RASAL3: variants seen among roughly 807,000 people sequenced by gnomAD.
The protein encoded by RASAL3 is RAS protein activator like 3.
In RASAL3, 74 loss-of-function variants were observed where a neutral mutation model predicts 105.5. That is an observed-to-expected ratio of 0.70 (90% CI 0.58 to 0.85). The LOEUF (loss-of-function observed/expected upper bound fraction) is 0.85, where lower values mean the gene tolerates loss of function less well. Ranked by LOEUF, RASAL3 falls within the 40% of genes least tolerant of loss-of-function variation. The probability of loss-of-function intolerance (pLI) is 0.00; values close to 1 mark genes in which losing one functional copy is unlikely to be tolerated. For missense variants in RASAL3, 1,352 were observed against 1,392.0 expected (o/e 0.97, Z 0.46); for synonymous variants, 579 against 591.6 (o/e 0.98, Z 0.31).
chr19:15,452,877 C>T lies in RASAL3; in HGVS notation c.2671-62G>A, dbSNP rs750763680. 1.5e-4 allele frequency: 227 copies of T among 1,479,320 alleles called. 2 individuals are homozygous for T. Among genetic ancestry groups the T allele is most frequent in the Non-Finnish European group, 1.7e-4 (191 of 1,109,832 alleles). 91.6% of individuals were successfully genotyped at this position (1,479,320 alleles called of 1,614,324 possible). A position where few individuals can be genotyped will look rare whatever the true frequency, so the allele number is the denominator to read the frequency against. On this transcript the variant is annotated intron_variant, in intron 15 of 17. Transcript: ENST00000343625. ...CCCGCCCCTGTGTCTCCCCGGAGACCCTGACCTCCCAGGCCCAAGCGCTCA... is the reference window on the plus strand; with the variant it reads ...CCCGCCCCTGTGTCTCCCCGGAGACTCTGACCTCCCAGGCCCAAGCGCTCA...
Position 15,456,430 on chromosome 19 carries a change from G to A in RASAL3, c.1576+72C>T. 1 of 1,583,222 alleles carries A rather than the reference G, an allele frequency of 6.3e-7. No homozygotes were observed. Among genetic ancestry groups the A allele is most frequent in the Non-Finnish European group, 8.6e-7 (1 of 1,161,402 alleles). ...CACTACCAGAATCCAGGTTGCTCAA[G>A]GACTCTTAGAACTTCACCCAGGTCC... On this transcript the variant is annotated intron_variant, in intron 10 of 17. Transcript: ENST00000343625. This position sits in a 1 kb window ranked among gnomAD's most constrained non-coding sequence, Gnocchi z 4.4.
Position 15,456,970 on chromosome 19 carries a change from C to A in RASAL3, c.1431+322G>T. The A allele has an allele frequency of 2.1e-6, 1 of 473,366 alleles. No individual in the cohort carries two copies. Among genetic ancestry groups the A allele is most frequent in the Admixed American group, 3.5e-5 (1 of 28,298 alleles). 29.3% of individuals were successfully genotyped at this position (473,366 alleles called of 1,614,324 possible). A position where few individuals can be genotyped will look rare whatever the true frequency, so the allele number is the denominator to read the frequency against. ...GATAATTAGGCCCCGCCCCTCACAG[C>A]TGAAGCTCAGGCCCAGTCCTTCAAG... On this transcript the variant is annotated intron_variant, in intron 9 of 17. Coordinates refer to ENST00000343625, the MANE Select transcript of RASAL3 (RefSeq NM_022904.3). This position sits in a 1 kb window ranked among gnomAD's most constrained non-coding sequence, Gnocchi z 4.4.
rs1364562647 is a variant in RASAL3, at chr19:15,455,648, C to T, written c.1721+456G>A. Among the ~76,000 whole-genome samples the T allele has an allele frequency of 6.6e-5, 10 of 152,122 alleles. No individual in the cohort carries two copies. The East Asian group carries it at 1.2e-3, about 18-fold the overall frequency. On this transcript the variant is annotated intron_variant, in intron 11 of 17. Coordinates refer to ENST00000343625, the MANE Select transcript of RASAL3 (RefSeq NM_022904.3). The stretch of plus-strand genomic sequence containing the variant: ...CCAGTTAAACATGAATTTCAGATAA[C>T]GGAGTGATTTTTATTTATATTTTTA...
In RASAL3 at chr19:15,457,888, G is replaced by A; in HGVS notation, c.889-54C>T. 1 of 1,535,798 alleles carries A rather than the reference G, an allele frequency of 6.5e-7. No individual in the cohort carries two copies. Among genetic ancestry groups the A allele is most frequent in the Non-Finnish European group, 8.8e-7 (1 of 1,138,480 alleles). ...CGTTTTGGTTTGTTGGCACCCCAAA[G>A]AAGGCACCGCAAGTGAAGCGTGGAG... On this transcript the variant is annotated intron_variant, in intron 8 of 17. Coordinates refer to ENST00000343625, the MANE Select transcript of RASAL3 (RefSeq NM_022904.3). The surrounding 1 kb of genome is among the most constrained non-coding windows in gnomAD (Gnocchi z 8.6).
intron 8 of RASAL3, chr19:15,458,127 G>T (rs1018298807): frequency 3.1e-6 from 2 of 638,588 alleles, no homozygotes; most frequent in Non-Finnish European, 5.5e-6. Context: ...ATGGGGCCGG[G>T]AGTGGACAGA....
chr19:15,457,406 G>C lies in RASAL3; in HGVS notation c.1317C>G (p.Leu439=). The C allele has an allele frequency of 6.9e-7, 1 of 1,449,950 alleles. No individual in the cohort carries two copies. Among genetic ancestry groups the C allele is most frequent in the Non-Finnish European group, 9.0e-7 (1 of 1,105,666 alleles). 89.8% of individuals were successfully genotyped at this position (1,449,950 alleles called of 1,614,324 possible). ...CGCAGAGGCGCGCATAGTGGAAGGT[G>C]AGGAACTCCGCCAGCTCCTTGTAGC... The part of the protein sequence containing the change: ...SERYKELAEF[L]TFHYARLCGA... The change falls in exon 9 of 18, where the codon CTC becomes CTG. Residue 439 remains leucine, a synonymous_variant. Transcript: ENST00000343625. The surrounding 1 kb of genome is among the most constrained non-coding windows in gnomAD (Gnocchi z 8.6).
intron 15 of RASAL3, 138 bp from the exon 16 acceptor site, chr19:15,452,953 TGG>T: frequency 2.1e-6 from 3 of 1,463,260 alleles, no homozygotes; most frequent in Admixed American, 2.1e-5. Context: ...GCGGTACAGC[TGG>T]GGAGACTGAA....
At position 15,454,166 on chromosome 19, in the gene RASAL3, C is replaced by T. The variant is rs370506475; in HGVS notation, c.2262G>A (p.Pro754=). 3.1e-5 allele frequency: 49 copies of T among 1,563,804 alleles called. No individual in the cohort carries two copies. The highest frequency in any genetic ancestry group is 7.7e-5 in the Admixed American group (4 of 52,276). ...VSVPMRLPLP[P]AQVHSSLSAG... ...GAGGTTACCTGGAGTGGACCTGGGCCGGGGGCAGTGGGAGACGCATTGGCA... is the reference window on the plus strand; with the variant it reads ...GAGGTTACCTGGAGTGGACCTGGGCTGGGGGCAGTGGGAGACGCATTGGCA... The change falls in exon 14 of 18, where the codon CCG becomes CCA. Residue 754 remains proline, a synonymous_variant. Coordinates refer to ENST00000343625, the MANE Select transcript of RASAL3 (RefSeq NM_022904.3).
chr19:15,456,793 C>T lies in RASAL3; in HGVS notation c.1432-147G>A. The T allele has an allele frequency of 1.0e-6, 1 of 1,000,278 alleles. No homozygotes were observed. Among genetic ancestry groups the T allele is most frequent in the Non-Finnish European group, 1.4e-6 (1 of 693,678 alleles). The allele number at this position is 1,000,278 out of a possible 1,614,324, so 62.0% of individuals were successfully genotyped here. A position where few individuals can be genotyped will look rare whatever the true frequency, so the allele number is the denominator to read the frequency against. On this transcript the variant is annotated intron_variant, in intron 9 of 17. Coordinates refer to ENST00000343625, the MANE Select transcript of RASAL3 (RefSeq NM_022904.3). The surrounding 1 kb of genome is among the most constrained non-coding windows in gnomAD (Gnocchi z 4.4). Reference sequence around the variant, plus strand: ...CAGTCCTTACTGCTGGGGCTCATAACCGAGGCCGGAACCTCTAACCCTCAC... The same window carrying T: ...CAGTCCTTACTGCTGGGGCTCATAATCGAGGCCGGAACCTCTAACCCTCAC...
chr19:15,457,969 AG>A lies in RASAL3; in HGVS notation c.889-136del, dbSNP rs1970381427. 1 of 1,067,882 alleles carries A rather than the reference AG, an allele frequency of 9.4e-7. No homozygotes were observed. Among genetic ancestry groups the A allele is most frequent in the African/African-American group, 1.6e-5 (1 of 62,212 alleles). The allele number at this position is 1,067,882 out of a possible 1,614,324, so 66.2% of individuals were successfully genotyped here. On this transcript the variant is annotated intron_variant, in intron 8 of 17. Coordinates refer to ENST00000343625, the MANE Select transcript of RASAL3 (RefSeq NM_022904.3). The surrounding 1 kb of genome is among the most constrained non-coding windows in gnomAD (Gnocchi z 8.6). Reference sequence around the variant, plus strand: ...AGATTGCTGGGCCTTTGGGGAAAGAAGTGGAGCCACGGGAGTCCGGAGGCGG... The same window carrying A: ...AGATTGCTGGGCCTTTGGGGAAAGAATGGAGCCACGGGAGTCCGGAGGCGG...
At chr19:15,452,587 G>GGGA in intron 16 of RASAL3, 71 bp downstream of exon 16, 3 of 1,123,180 alleles carry the variant, frequency 2.7e-6, no homozygotes, top group Non-Finnish European at 3.5e-6. Context: ...GGGGGGGGGG[G>GGGA]GAGGGCCTGG....
At chr19:15,455,971 A>G in intron 11 of RASAL3, 133 bp downstream of exon 11, 3 of 1,068,348 alleles carry the variant, frequency 2.8e-6, no homozygotes, top group Non-Finnish European at 4.0e-6. Flanking sequence ...ATTTTTTAGT[A>G]TAAGCATGGT....
In RASAL3 at chr19:15,457,589, C is replaced by T; in HGVS notation, c.1134G>A (p.Ala378=). The change falls in exon 9 of 18, where the codon GCG becomes GCA. Residue 378 remains alanine (A), a synonymous_variant. Transcript: ENST00000343625. The surrounding 1 kb of genome is among the most constrained non-coding windows in gnomAD (Gnocchi z 8.6). ...GCGCCAGGGCCACGCGGCCCAGCAC[C>T]GCGCTTCCCGGGCCCAAGCCGCGCA... The part of the protein sequence containing the change: ...LRLRGLGPGS[A]VLGRVALALE... The T allele has an allele frequency of 7.7e-7, 1 of 1,299,228 alleles. No homozygotes were observed. Among genetic ancestry groups the T allele is most frequent in the Non-Finnish European group, 9.8e-7 (1 of 1,019,752 alleles). 80.5% of individuals were successfully genotyped at this position (1,299,228 alleles called of 1,614,324 possible).
intron 6 of RASAL3, 101 bp from the exon 7 acceptor site, chr19:15,458,756 G>A (rs914449834): frequency 4.9e-5 from 71 of 1,450,360 alleles, no homozygotes; most frequent in Non-Finnish European, 6.3e-5. Flanking sequence ...AACCCAATTC[G>A]GATCCCGTTT....
rs1429253157 is a variant in RASAL3 at position 15,452,698 on chromosome 19, G to A, written c.2788C>T (p.Arg930Trp). 6 of 1,552,108 alleles carry A rather than the reference G, an allele frequency of 3.9e-6. No homozygotes were observed. Among genetic ancestry groups the A allele is most frequent in the Non-Finnish European group, 5.2e-6 (6 of 1,147,676 alleles). ...RALTEQQEQL[R>W]GQLQDLDSRL... ...GAGTCCAGATCCTGCAGCTGGCCCC[G>A]CAGCTGCTCCTGCTGCTCCGTCAAG... Residue 930 changes from arginine (R) to tryptophan (W), a missense_variant, in exon 16 of 18, where the codon CGG becomes TGG. Physicochemically the swap from Arg to Trp is moderately radical, Grantham distance 101. Coordinates refer to ENST00000343625, the MANE Select transcript of RASAL3 (RefSeq NM_022904.3).
Position 15,453,785 on chromosome 19 carries a change from T to TG in RASAL3, c.2280-289dup, listed in dbSNP as rs1263622793. Among the ~76,000 whole-genome samples, 2 of 151,412 alleles carry TG rather than the reference T, an allele frequency of 1.3e-5. No individual in the cohort carries two copies. Among genetic ancestry groups the TG allele is most frequent in the Non-Finnish European group, 2.9e-5 (2 of 67,804 alleles). On this transcript the variant is annotated intron_variant, in intron 14 of 17. Coordinates refer to ENST00000343625, the MANE Select transcript of RASAL3 (RefSeq NM_022904.3). This position sits in a 1 kb window ranked among gnomAD's most constrained non-coding sequence, Gnocchi z 4.2. ...TAATTTTTTTTTTTTTTGGTAGAGA[T>TG]GGGGTCTCCCTATGTTGCCCAGGCT...
chr19:15,464,239 C>G lies in RASAL3; in HGVS notation c.120G>C (p.Trp40Cys). Residue 40 changes from tryptophan to cysteine, a missense_variant, in exon 2 of 18, where the codon TGG becomes TGC. Physicochemically the swap from Trp to Cys is radical, Grantham distance 215. This residue lies in a region of RASAL3 where 344 missense variants were observed against 339.6 expected (regional missense o/e 1.01). Coordinates refer to ENST00000343625, the MANE Select transcript of RASAL3 (RefSeq NM_022904.3). ...CCCTGCCCCAGCCAGCAAAGCGGCC[C>G]CAGCGGAACCCTCCAGCCGCCTTCT... ...GGEKAAGGFR[W>C]GRFAGWGRAL... 6.2e-7 allele frequency: 1 copy of G among 1,609,186 alleles called. No homozygotes were observed. Among genetic ancestry groups the G allele is most frequent in the Middle Eastern group, 1.8e-4 (1 of 5,678 alleles).
At chr19:15,452,536 G>T in intron 16 of RASAL3, 122 bp downstream of exon 16, 1 of 872,886 alleles carries the variant, frequency 1.1e-6, no homozygotes, top group Non-Finnish European at 1.7e-6. Flanking sequence ...ACTTATTGGG[G>T]CGGGGCCAGG....
intron 6 of RASAL3, among the ~76,000 whole-genome samples, chr19:15,459,177 G>A (rs1599745748): frequency 6.6e-6 from 1 of 151,838 alleles, no homozygotes; most frequent in Non-Finnish European, 1.5e-5. Flanking sequence ...GATCCCAAGT[G>A]ATCCACCCGC....
Sources: allele counts gnomAD v4.1 joint callset (sites outside exome capture counted in the v4.1 genomes callset), GRCh38; gene constraint gnomAD v4.1.1; regional missense constraint gnomAD v4.1.1; non-coding constraint Gnocchi (gnomAD v3.1); transcripts MANE v1.5; gene names NCBI Gene and HGNC (gene_info 2026-07-23, HGNC 2026-07-21).